The following SLC41A2 variants were observed in gnomAD, a reference collection of about 807,000 sequenced individuals.
SLC41A2 encodes the protein solute carrier family 41 member 2.
In SLC41A2, 32 loss-of-function variants were observed where a neutral mutation model predicts 58.3. That is an observed-to-expected ratio of 0.55 (90% CI 0.41 to 0.74). The LOEUF (loss-of-function observed/expected upper bound fraction) is 0.74. Among genes scored for constraint, SLC41A2 ranks in the 30% least tolerant of loss-of-function variants. The pLI is 0.00. For missense variants in SLC41A2, 514 were observed against 680.6 expected, an observed-to-expected ratio of 0.76 and a Z score of 2.72; for synonymous variants, 190 against 235.0, an observed-to-expected ratio of 0.81 and a Z score of 1.75.
chr12:104,930,091 G>A (rs1287714173), intron 1 of SLC41A2, among the ~76,000 whole-genome samples: 1 of 152,198 alleles, frequency 6.6e-6, no homozygotes, highest in Admixed American at 6.5e-5. Context: ...TTAAAATACA[G>A]ATTCCAGGAC....
At position 104,805,241 on chromosome 12, in the gene SLC41A2, A is replaced by G. The variant is rs1329524552; in HGVS notation, c.1633T>C (p.Leu545=). ...DSFSIPYLTA[L]GDLLGTALLA... ...AGAGCTGTCCCGAGCAGATCACCCA[A>G]TGCTGTTAGGTAGGGGATGGAGAAA... The change falls in exon 11 of 11, where the codon TTG becomes CTG. Residue 545 remains leucine, a synonymous_variant. Transcript: ENST00000258538. 1.9e-6 allele frequency: 3 copies of G among 1,613,940 alleles called. No homozygotes were observed. The highest frequency in any genetic ancestry group is 1.7e-6 in the Non-Finnish European group (2 of 1,179,858).
Position 104,844,495 on chromosome 12 carries a change from A to C in SLC41A2, c.1513T>G (p.Tyr505Asp). 2 of 1,512,988 alleles carry C rather than the reference A, an allele frequency of 1.3e-6. No individual in the cohort carries two copies. Among genetic ancestry groups the C allele is most frequent in the Non-Finnish European group, 1.8e-6 (2 of 1,134,438 alleles). The allele number at this position is 1,512,988 out of a possible 1,614,324, so 93.7% of individuals were successfully genotyped here. A position where few individuals can be genotyped will look rare whatever the true frequency, so the allele number is the denominator to read the frequency against. The stretch of plus-strand genomic sequence containing the variant: ...ACCTGTAACACAGCGCCAAATAAAT[A>C]CACTACTATGAAGATTATAGTTAAA... The part of the protein sequence containing the change: ...TSLTIIFIVV[Y>D]LFGAVLQVFT... Residue 505 changes from tyrosine (Y) to aspartate (D), a missense_variant, in exon 10 of 11, where the codon TAT becomes GAT. Coordinates refer to ENST00000258538, the MANE Select transcript of SLC41A2 (RefSeq NM_001352171.3).
intron 2 of SLC41A2, among the ~76,000 whole-genome samples, chr12:104,920,443 AAAC>A (rs1378426817): frequency 1.3e-5 from 2 of 152,058 alleles, no homozygotes; most frequent in Non-Finnish European, 2.9e-5. Context: ...AAATAAAAGA[AAAC>A]AAATCGTAAA....
chr12:104,901,715 A>G (rs1409528812), intron 3 of SLC41A2, among the ~76,000 whole-genome samples: 2 of 152,004 alleles, frequency 1.3e-5, no homozygotes, highest in East Asian at 1.9e-4. Flanking sequence ...AAGCCCAGCT[A>G]ATTTTTTTAT....
At chr12:104,943,930 G>C (rs1028889471) in intron 1 of SLC41A2, among the ~76,000 whole-genome samples, 12 of 152,176 alleles carry the variant, frequency 7.9e-5, no homozygotes, top group African/African-American at 2.9e-4. Context: ...CACAGCAGGA[G>C]GGACAATGAT....
At chr12:104,930,314 G>A (rs1281465428) in intron 1 of SLC41A2, among the ~76,000 whole-genome samples, 1 of 152,164 alleles carries the variant, frequency 6.6e-6, no homozygotes, top group Non-Finnish European at 1.5e-5. Flanking sequence ...AATGGCCAGA[G>A]TGAAGCAGAG....
intron 3 of SLC41A2, among the ~76,000 whole-genome samples, chr12:104,905,701 C>T (rs1247788642): frequency 2.6e-5 from 4 of 152,358 alleles, no homozygotes; most frequent in South Asian, 2.1e-4. Flanking sequence ...AGCGCAGCGC[C>T]GGTGGGCCAG....
chr12:104,879,104 T>C (rs2044221768), intron 6 of SLC41A2, among the ~76,000 whole-genome samples: 1 of 152,256 alleles, frequency 6.6e-6, no homozygotes, highest in African/African-American at 2.4e-5. Flanking sequence ...GCTGCATAAA[T>C]GTTTTCTTTT....
At chr12:104,936,040 TAA>T (rs35130202) in intron 1 of SLC41A2, among the ~76,000 whole-genome samples, 2 of 144,544 alleles carry the variant, frequency 1.4e-5, no homozygotes, top group Non-Finnish European at 3.0e-5. Flanking sequence ...GAGACTGTCT[TAA>T]AAAAAAAAAA....
intron 3 of SLC41A2, among the ~76,000 whole-genome samples, chr12:104,903,073 G>GT (rs1274266978): frequency 6.6e-6 from 1 of 152,144 alleles, no homozygotes; most frequent in Non-Finnish European, 1.5e-5. Context: ...GGCTCCTAGT[G>GT]TTTAATTTCA....
chr12:104,898,932 C>T (rs964000382), intron 3 of SLC41A2, among the ~76,000 whole-genome samples: 1 of 152,164 alleles, frequency 6.6e-6, no homozygotes, highest in Non-Finnish European at 1.5e-5. Flanking sequence ...GATAGCACTA[C>T]ACACCTATTA....
chr12:104,886,157 T>C, intron 6 of SLC41A2, 136 bp downstream of exon 6: 1 of 853,962 alleles, frequency 1.2e-6, no homozygotes, highest in Non-Finnish European at 1.7e-6. Context: ...ATAAAACAAA[T>C]GATAGTTATC....
At chr12:104,915,887 T>G (rs2135810432) in intron 2 of SLC41A2, among the ~76,000 whole-genome samples, 2 of 152,324 alleles carry the variant, frequency 1.3e-5, no homozygotes, top group South Asian at 4.1e-4. Flanking sequence ...GCCCATTCAG[T>G]ATGATATTGG....
intron 3 of SLC41A2, among the ~76,000 whole-genome samples, chr12:104,905,795 T>C (rs772919116): frequency 1.3e-5 from 2 of 152,258 alleles, no homozygotes; most frequent in East Asian, 3.8e-4. Context: ...CAGGGCTGGC[T>C]GGCTGCTCCG....
chr12:104,949,486 G>T (rs2047870931), intron 1 of SLC41A2, among the ~76,000 whole-genome samples: 1 of 152,106 alleles, frequency 6.6e-6, no homozygotes, highest in African/African-American at 2.4e-5. Flanking sequence ...TGTAGCTTTT[G>T]CTACCAAATT....
chr12:104,850,803 T>A (rs1443009074), intron 8 of SLC41A2, among the ~76,000 whole-genome samples: 1 of 152,202 alleles, frequency 6.6e-6, no homozygotes, highest in African/African-American at 2.4e-5. Context: ...ATGCAGTTCA[T>A]CATAAAAATG....
intron 2 of SLC41A2, among the ~76,000 whole-genome samples, chr12:104,923,637 A>G (rs955198533): frequency 1.3e-5 from 2 of 152,210 alleles, no homozygotes; most frequent in Admixed American, 1.3e-4. Context: ...AAAAGGATTC[A>G]TAACAACTGA....
intron 8 of SLC41A2, among the ~76,000 whole-genome samples, chr12:104,848,052 G>T (rs2042670998): frequency 6.6e-6 from 1 of 152,080 alleles, no homozygotes; most frequent in South Asian, 2.1e-4. Context: ...TTTCACACAT[G>T]CACTCATGGA....
chr12:104,942,271 G>A (rs1248876536), intron 1 of SLC41A2, among the ~76,000 whole-genome samples: 1 of 152,046 alleles, frequency 6.6e-6, no homozygotes, highest in African/African-American at 2.4e-5. Context: ...TTGAGCCAGG[G>A]AGTTTGAGAC....
Sources: allele counts gnomAD v4.1 joint callset (sites outside exome capture counted in the v4.1 genomes callset), GRCh38; gene constraint gnomAD v4.1.1; transcripts MANE v1.5; gene names NCBI Gene and HGNC (gene_info 2026-07-23, HGNC 2026-07-21).